USP15: variants seen among roughly 807,000 people sequenced by gnomAD.
USP15 encodes the protein ubiquitin carboxyl-terminal hydrolase 15.
A neutral mutation model predicts 127.1 loss-of-function variants in USP15; 18 were observed. The observed-to-expected ratio is 0.14, with a 90% CI of 0.10 to 0.21. The LOEUF (loss-of-function observed/expected upper bound fraction) is 0.21. USP15 is among the 10% of genes least tolerant of loss of function. The pLI is 1.00. For synonymous variants in USP15, 364 were observed against 393.7 expected (o/e 0.92, Z 0.89); for missense variants, 805 against 1,159.9 (o/e 0.69, Z 4.44).
At chr12:62,284,536 G>A (rs972759344) in intron 1 of USP15, among the ~76,000 whole-genome samples, 3 of 152,026 alleles carry the variant, frequency 2.0e-5, no homozygotes, top group Non-Finnish European at 4.4e-5. Context: ...AGCTATTTTC[G>A]GACGTAACTG....
At chr12:62,333,236 A>G (rs1325541250) in intron 6 of USP15, among the ~76,000 whole-genome samples, 1 of 152,130 alleles carries the variant, frequency 6.6e-6, no homozygotes, top group Non-Finnish European at 1.5e-5. Context: ...TGAACCATAA[A>G]TCTAGAGTGA....
intron 6 of USP15, among the ~76,000 whole-genome samples, chr12:62,342,187 C>T (rs1247595541): frequency 6.6e-6 from 1 of 151,992 alleles, no homozygotes; most frequent in Non-Finnish European, 1.5e-5. Context: ...ATCCTTTCTT[C>T]CGCTTGATCG....
intron 6 of USP15, among the ~76,000 whole-genome samples, chr12:62,342,305 T>C (rs1337264479): frequency 6.6e-6 from 1 of 152,144 alleles, no homozygotes; most frequent in African/African-American, 2.4e-5. Flanking sequence ...TAGTTAGCAG[T>C]TCCTGTAACC....
At chr12:62,335,777 A>G in intron 6 of USP15, 1 of 985,326 alleles carries the variant, frequency 1.0e-6, no homozygotes, top group Non-Finnish European at 1.2e-6. Context: ...CCCATTCAGG[A>G]TTTAACAAAG....
chr12:62,353,367 G>A (rs1269272329), intron 7 of USP15, among the ~76,000 whole-genome samples: 3 of 152,034 alleles, frequency 2.0e-5, no homozygotes, highest in African/African-American at 7.2e-5. Context: ...CTGCAAAGAA[G>A]AGTAGAGCTT....
intron 1 of USP15, 113 bp downstream of exon 1, chr12:62,260,616 C>A: frequency 9.9e-7 from 1 of 1,015,086 alleles, no homozygotes; most frequent in Non-Finnish European, 1.4e-6. Flanking sequence ...CCGGCGGCGG[C>A]CGCCGGGGCA....
chr12:62,336,415 A>T, intron 6 of USP15: 1 of 985,420 alleles, frequency 1.0e-6, no homozygotes, highest in Non-Finnish European at 1.2e-6. Flanking sequence ...TTCCTCCTCC[A>T]GCCTTTCTTC....
At chr12:62,269,304 A>T (rs1052816732) in intron 1 of USP15, among the ~76,000 whole-genome samples, 3 of 152,116 alleles carry the variant, frequency 2.0e-5, no homozygotes, top group Admixed American at 6.6e-5. Context: ...ACTGTAGTCA[A>T]TTCTAATACA....
At chr12:62,374,191 T>C (rs2066757170) in intron 8 of USP15, among the ~76,000 whole-genome samples, 1 of 152,062 alleles carries the variant, frequency 6.6e-6, no homozygotes, top group African/African-American at 2.4e-5. Flanking sequence ...GTTTTATTTT[T>C]TAAATCATAA....
At chr12:62,279,059 A>G (rs2063575041) in intron 1 of USP15, 1 of 152,164 alleles carries the variant, frequency 6.6e-6, no homozygotes, top group Non-Finnish European at 1.5e-5. Context: ...TTTTCTGTAC[A>G]ATATAATATT....
chr12:62,335,041 C>G, intron 6 of USP15: 1 of 817,044 alleles, frequency 1.2e-6, no homozygotes, highest in Non-Finnish European at 1.9e-6. Flanking sequence ...TTACCTTTTT[C>G]TGTCTGAGGG....
At position 62,404,842 on chromosome 12, in the gene USP15, ATG is replaced by A. The variant is rs1186735321; in HGVS notation, c.*470_*471del. 1.3e-5 allele frequency: 2 copies of A among 152,524 alleles called. No individual in the cohort carries two copies. Among genetic ancestry groups the A allele is most frequent in the African/African-American group, 4.8e-5 (2 of 41,590 alleles). 9.4% of individuals were successfully genotyped at this position (152,524 alleles called of 1,614,324 possible). A position where few individuals can be genotyped will look rare whatever the true frequency, so the allele number is the denominator to read the frequency against. ...ACTATGATATTTAGCTGCAGTATCA[ATG>A]TGGCATAAATACTGCGGCAGCATTC... On this transcript the variant is annotated 3_prime_UTR_variant, in exon 22 of 22. Coordinates refer to ENST00000280377, the MANE Select transcript of USP15 (RefSeq NM_001252078.2).
chr12:62,347,066 T>C (rs2065841186), intron 6 of USP15, among the ~76,000 whole-genome samples: 1 of 152,178 alleles, frequency 6.6e-6, no homozygotes, highest in Non-Finnish European at 1.5e-5. Context: ...TTTTTTCCTA[T>C]TGTGAGCTGT....
chr12:62,367,579 C>T (rs935083653), intron 8 of USP15, among the ~76,000 whole-genome samples: 1 of 152,084 alleles, frequency 6.6e-6, no homozygotes, highest in African/African-American at 2.4e-5. Flanking sequence ...GGAATTTATC[C>T]ATTTCTTCCA....
intron 8 of USP15, among the ~76,000 whole-genome samples, chr12:62,364,465 G>A (rs956311868): frequency 1.3e-5 from 2 of 152,160 alleles, no homozygotes; most frequent in Admixed American, 6.5e-5. Context: ...GAAAGAGAAA[G>A]GGGCAAAGGA....
At chr12:62,276,914 G>A (rs185651906) in intron 1 of USP15, among the ~76,000 whole-genome samples, 1 of 151,986 alleles carries the variant, frequency 6.6e-6, no homozygotes, top group African/African-American at 2.4e-5. Flanking sequence ...TGTATATTTT[G>A]TCCCAATTTT....
intron 21 of USP15, 28 bp from the exon 22 acceptor site, chr12:62,404,165 A>C (rs558844306): frequency 1.3e-6 from 2 of 1,544,994 alleles, no homozygotes; most frequent in Admixed American, 2.0e-5. Flanking sequence ...GAGAATCATA[A>C]CTGTTTTAAC....
At chr12:62,310,104 A>G (rs1180241032) in intron 3 of USP15, among the ~76,000 whole-genome samples, 1 of 152,016 alleles carries the variant, frequency 6.6e-6, no homozygotes, top group African/African-American at 2.4e-5. Context: ...AGGTAAATTT[A>G]ACAGGTTGCC....
At chr12:62,355,825 C>CTTTTTTTTTTTTTTTTTTTT (rs201572809) in intron 8 of USP15, among the ~76,000 whole-genome samples, 2 of 124,402 alleles carry the variant, frequency 1.6e-5, no homozygotes, top group Non-Finnish European at 1.7e-5. Flanking sequence ...CTTTTTTTTT[C>CTTTTTTTTTTTTTTTTTTTT]TTTTTTTTTT....
Sources: allele counts gnomAD v4.1 joint callset (sites outside exome capture counted in the v4.1 genomes callset), GRCh38; gene constraint gnomAD v4.1.1; transcripts MANE v1.5; gene names NCBI Gene and HGNC (gene_info 2026-07-23, HGNC 2026-07-21).